HMCN1: variants seen among roughly 807,000 people sequenced by gnomAD.
HMCN1 encodes hemicentin 1.
HMCN1 carries 321 observed loss-of-function variants against 625.9 expected under a neutral mutation model. The observed-to-expected ratio is 0.51, with a 90% CI of 0.47 to 0.56. The LOEUF is 0.56. Ranked by LOEUF, HMCN1 falls within the 20% of genes least tolerant of loss-of-function variation. The pLI is 0.00. For missense variants in HMCN1, 6,588 were observed against 6,887.3 expected, an observed-to-expected ratio of 0.96 and a Z score of 1.54; for synonymous variants, 2,425 against 2,417.6, an observed-to-expected ratio of 1.00 and a Z score of -0.09.
intron 103 of HMCN1, chr1:186,177,121 A>G (rs994919525): frequency 1.6e-4 from 24 of 151,046 alleles, no homozygotes; most frequent in African/African-American, 5.9e-4. Context: ...TGGCTAACAC[A>G]GTGAAACCCT....
intron 1 of HMCN1, among the ~76,000 whole-genome samples, chr1:185,735,358 A>C (rs1467146567): frequency 6.6e-6 from 1 of 152,194 alleles, no homozygotes; most frequent in Non-Finnish European, 1.5e-5. Context: ...ACTCACTTAG[A>C]TTTTAGAACT....
intron 69 of HMCN1, among the ~76,000 whole-genome samples, chr1:186,105,171 T>C (rs968777759): frequency 2.6e-5 from 4 of 152,142 alleles, no homozygotes; most frequent in Admixed American, 6.5e-5. Flanking sequence ...CTTCAAGAAG[T>C]TTCTAGATGT....
chr1:185,919,555 T>C (rs1188127039), intron 6 of HMCN1, among the ~76,000 whole-genome samples: 1 of 152,186 alleles, frequency 6.6e-6, no homozygotes, highest in Non-Finnish European at 1.5e-5. Context: ...CCCCAGTACA[T>C]TTCTCTGCTT....
At chr1:185,882,097 A>T (rs1459975207) in intron 4 of HMCN1, among the ~76,000 whole-genome samples, 1 of 152,190 alleles carries the variant, frequency 6.6e-6, no homozygotes, top group Non-Finnish European at 1.5e-5. Flanking sequence ...GATCTATCAG[A>T]GTTAATGACT....
chr1:185,855,486 A>G (rs984588290), intron 2 of HMCN1, among the ~76,000 whole-genome samples: 1 of 152,142 alleles, frequency 6.6e-6, no homozygotes, highest in Non-Finnish European at 1.5e-5. Flanking sequence ...CTTACTGTCC[A>G]TTATAACTCA....
chr1:185,931,946 T>A (rs1667573524), intron 10 of HMCN1, among the ~76,000 whole-genome samples: 1 of 152,154 alleles, frequency 6.6e-6, no homozygotes, highest in Non-Finnish European at 1.5e-5. Context: ...CTAGGTGGCC[T>A]ATTATTACCA....
Position 186,095,644 on chromosome 1 carries a change from A to AT in HMCN1, c.10573+127dup, listed in dbSNP as rs201155432. ...GAATTTTTTAAAAAATTTTTATTGC[A>AT]TTTTAATTTTTTTTATAATTCACCT... On this transcript the variant is annotated intron_variant, in intron 68 of 106. Transcript: ENST00000271588. 9.5e-3 allele frequency: 9,597 copies of AT among 1,005,804 alleles called. 131 individuals are homozygous for AT. Among genetic ancestry groups the AT allele is most frequent in the Middle Eastern group, 0.019 (80 of 4,196 alleles). 62.3% of individuals were successfully genotyped at this position (1,005,804 alleles called of 1,614,324 possible). A position where few individuals can be genotyped will look rare whatever the true frequency, so the allele number is the denominator to read the frequency against.
intron 23 of HMCN1, among the ~76,000 whole-genome samples, chr1:185,994,439 A>G (rs774666418): frequency 6.6e-6 from 1 of 152,210 alleles, no homozygotes; most frequent in African/African-American, 2.4e-5. Context: ...CCCTTATATT[A>G]TAGAAATTAT....
At chr1:186,104,037 A>G (rs1337586031) in intron 69 of HMCN1, among the ~76,000 whole-genome samples, 4 of 152,168 alleles carry the variant, frequency 2.6e-5, no homozygotes, top group African/African-American at 9.7e-5. Context: ...TTGATCTCCA[A>G]AATGAACTAG....
chr1:185,980,526 T>G (rs1651543417), intron 16 of HMCN1, among the ~76,000 whole-genome samples: 1 of 152,188 alleles, frequency 6.6e-6, no homozygotes, highest in Non-Finnish European at 1.5e-5. Flanking sequence ...TTTTACCCAC[T>G]GAATGCCAGC....
chr1:185,858,380 A>G (rs780224886), intron 2 of HMCN1, among the ~76,000 whole-genome samples: 2 of 151,904 alleles, frequency 1.3e-5, no homozygotes, highest in Non-Finnish European at 2.9e-5. Flanking sequence ...TTTGGTATTC[A>G]GGTCAAAATG....
intron 58 of HMCN1, among the ~76,000 whole-genome samples, chr1:186,086,990 A>T (rs553242121): frequency 6.6e-6 from 1 of 152,210 alleles, no homozygotes; most frequent in South Asian, 2.1e-4. Context: ...CCATGTTTTG[A>T]TGCTGGAGAG....
rs757855131 is a variant in HMCN1 at position 186,128,313 on chromosome 1, A to T, written c.12904+22A>T. The T allele has an allele frequency of 1.9e-6, 3 of 1,579,550 alleles. No homozygotes were observed. The South Asian group carries it at 3.3e-5, about 17-fold the overall frequency. ...CCAGGTTGGTCATTTAATTCTCAAG[A>T]AGTGAATAAATACACCTATGTAGAA... On this transcript the variant is annotated intron_variant, in intron 83 of 106. Coordinates refer to ENST00000271588, the MANE Select transcript of HMCN1 (RefSeq NM_031935.3).
intron 4 of HMCN1, among the ~76,000 whole-genome samples, chr1:185,873,817 G>A (rs914180136): frequency 4.6e-5 from 7 of 151,974 alleles, no homozygotes; most frequent in Non-Finnish European, 7.4e-5. Flanking sequence ...AATGATAATT[G>A]AATAATTTGG....
intron 4 of HMCN1, among the ~76,000 whole-genome samples, chr1:185,888,168 T>C (rs1370731275): frequency 8.6e-6 from 1 of 115,628 alleles, no homozygotes; most frequent in Non-Finnish European, 1.7e-5. Flanking sequence ...TGTTTTTTTC[T>C]TGTAAATTTG....
At chr1:185,778,598 T>C (rs906978731) in intron 1 of HMCN1, among the ~76,000 whole-genome samples, 29 of 151,144 alleles carry the variant, frequency 1.9e-4, no homozygotes, top group African/African-American at 6.8e-4. Flanking sequence ...ATGCGGTGTT[T>C]GGTTTTTCGT....
chr1:185,976,723 T>C (rs958264808), intron 15 of HMCN1, among the ~76,000 whole-genome samples: 2 of 152,122 alleles, frequency 1.3e-5, no homozygotes, highest in Non-Finnish European at 2.9e-5. Flanking sequence ...ACCTACCCCA[T>C]AGAGATATTG....
intron 4 of HMCN1, among the ~76,000 whole-genome samples, chr1:185,868,867 G>T (rs1157743745): frequency 2.0e-5 from 3 of 152,126 alleles, no homozygotes; most frequent in Non-Finnish European, 2.9e-5. Flanking sequence ...CCACTGGCTT[G>T]TTGTTAGTGT....
chr1:185,828,899 T>C (rs1558000210), intron 1 of HMCN1, among the ~76,000 whole-genome samples: 1 of 152,014 alleles, frequency 6.6e-6, no homozygotes, highest in Non-Finnish European at 1.5e-5. Flanking sequence ...GTACTCTGAG[T>C]AGTGAATTAG....
Sources: allele counts gnomAD v4.1 joint callset (sites outside exome capture counted in the v4.1 genomes callset), GRCh38; gene constraint gnomAD v4.1.1; transcripts MANE v1.5; gene names NCBI Gene and HGNC (gene_info 2026-07-23, HGNC 2026-07-21).